Variants in GNAI1 observed in about 807,000 individuals in gnomAD.
GNAI1 encodes the protein guanine nucleotide-binding protein G(i) subunit alpha-1.
Under a neutral mutation model 38.9 loss-of-function variants are expected in GNAI1, and 11 were observed. The observed-to-expected ratio is 0.28, with a 90% CI of 0.18 to 0.47. The LOEUF (loss-of-function observed/expected upper bound fraction) is 0.47. GNAI1 is among the 20% of genes least tolerant of loss of function. The probability of loss-of-function intolerance (pLI) is 0.99; values close to 1 mark genes in which losing one functional copy is unlikely to be tolerated. For synonymous variants in GNAI1, 166 were observed against 145.1 expected, an observed-to-expected ratio of 1.14 and a Z score of -1.04; for missense variants, 317 against 436.9, an observed-to-expected ratio of 0.73 and a Z score of 2.45.
chr7:80,187,168 G>C (rs1471845648), intron 1 of GNAI1: 3 of 151,152 alleles, frequency 2.0e-5, no homozygotes, highest in Non-Finnish European at 4.4e-5. Flanking sequence ...CCTCTTTTCA[G>C]ATGCCTCTGA....
At chr7:80,207,978 C>A (rs1004359809) in intron 5 of GNAI1, among the ~76,000 whole-genome samples, 5 of 151,974 alleles carry the variant, frequency 3.3e-5, no homozygotes, top group African/African-American at 1.2e-4. Context: ...AGATAAATTT[C>A]TATTTCATTT....
At chr7:80,191,643 C>T (rs1198758809) in intron 3 of GNAI1, among the ~76,000 whole-genome samples, 1 of 152,134 alleles carries the variant, frequency 6.6e-6, no homozygotes, top group Non-Finnish European at 1.5e-5. Context: ...CCGCCCACCT[C>T]GGCCTCCCAA....
In GNAI1 at chr7:80,218,619, A is replaced by C. The variant is rs1246837534; in HGVS notation, c.*1126A>C. 1 of 152,226 alleles carries C rather than the reference A, an allele frequency of 6.6e-6. No individual in the cohort carries two copies. Among genetic ancestry groups the C allele is most frequent in the East Asian group, 1.9e-4 (1 of 5,184 alleles). The allele number at this position is 152,226 out of a possible 1,614,324, so 9.4% of individuals were successfully genotyped here. Reference sequence around the variant, plus strand: ...TGCAAGATTTAAATTTATACATATAACTAATTTCAAATGTAATTATCACAC... The same window carrying C: ...TGCAAGATTTAAATTTATACATATACCTAATTTCAAATGTAATTATCACAC... On this transcript the variant is annotated 3_prime_UTR_variant, in exon 8 of 8. Transcript: ENST00000649796.
At chr7:80,217,238 A>AGTTTCTTATGTATGAAACTGAC in intron 7 of GNAI1, 65 bp from the exon 8 acceptor site, 2 of 323,780 alleles carry the variant, frequency 6.2e-6, no homozygotes, top group Non-Finnish European at 4.5e-6. Flanking sequence ...ATGAAACTGA[A>AGTTTCTTATGTATGAAACTGAC]TTCAGTATTT....
In GNAI1 at chr7:80,224,976, ACAACT is replaced by A. The variant is rs1789135147; in HGVS notation, c.*7485_*7489del. Among the ~76,000 whole-genome samples the A allele has an allele frequency of 6.6e-6, 1 of 152,194 alleles. No individual in the cohort carries two copies. On this transcript the variant is annotated 3_prime_UTR_variant, in exon 8 of 8. Coordinates refer to ENST00000649796, the MANE Select transcript of GNAI1 (RefSeq NM_002069.6). ...TGAAATGCTTTATTTTTCTTCCACA[ACAACT>A]CTATTTGCATTGCATGGAAATGTTC... is the stretch of plus-strand genomic sequence containing the variant.
Position 80,221,636 on chromosome 7 carries a change from C to CTTTTTTTTTTTTT in GNAI1, c.*4156_*4168dup, listed in dbSNP as rs71518978. Among the ~76,000 whole-genome samples the CTTTTTTTTTTTTT allele has an allele frequency of 1.1e-5, 1 of 94,354 alleles. No individual in the cohort carries two copies. 61.9% of individuals were successfully genotyped at this position (94,354 alleles called of 152,430 possible). A position where few individuals can be genotyped will look rare whatever the true frequency, so the allele number is the denominator to read the frequency against. On this transcript the variant is annotated 3_prime_UTR_variant, in exon 8 of 8. Transcript: ENST00000649796. ...ATTTTAATGTTAGGTTGGAAATTTT[C>CTTTTTTTTTTTTT]TTTTTTTTTTTTTTTTTTTTTTTTT...
At chr7:80,212,466 C>T (rs989131960) in intron 6 of GNAI1, among the ~76,000 whole-genome samples, 4 of 152,156 alleles carry the variant, frequency 2.6e-5, no homozygotes, top group Admixed American at 2.6e-4. Context: ...GCAGGATATT[C>T]CCTGGCACAG....
rs753831238 is a variant in GNAI1, at chr7:80,221,828, A to AG, written c.*4341dup. 5.9e-5 allele frequency among the ~76,000 whole-genome samples: 9 copies of AG among 151,604 alleles called. No homozygotes were observed. The highest frequency in any genetic ancestry group is 3.9e-4 in the East Asian group (2 of 5,124). ...CAGCTAATTTTTGTATTTTTAGTAA[A>AG]GGGGGGTTTCACCATGTTGGCCAGG... On this transcript the variant is annotated 3_prime_UTR_variant, in exon 8 of 8. Transcript: ENST00000649796.
At chr7:80,187,278 G>T (rs76486260) in intron 1 of GNAI1, 1 of 152,136 alleles carries the variant, frequency 6.6e-6, no homozygotes, top group African/African-American at 2.4e-5. Flanking sequence ...TAAAGGGAGA[G>T]ATGAGGCCCA....
chr7:80,135,712 G>C (rs1350328622), intron 1 of GNAI1: 2 of 770,414 alleles, frequency 2.6e-6, no homozygotes, highest in Non-Finnish European at 3.1e-6. Flanking sequence ...TGTAGGTTGT[G>C]TTTCGACTGT....
chr7:80,135,341 C>T (rs1201874256), intron 1 of GNAI1, 63 bp downstream of exon 1: 6 of 1,023,384 alleles, frequency 5.9e-6, no homozygotes, highest in Non-Finnish European at 6.6e-6. Context: ...CTGCGCGGCC[C>T]TCGGCGTTTG....
In GNAI1 at chr7:80,205,940, T is replaced by C. The variant is rs561680196; in HGVS notation, c.590+2108T>C. ...TTTGCTTCAGCTAACTCTGTTGCTC[T>C]GAAATGGTCGTGATGATAAAGCAGA... On this transcript the variant is annotated intron_variant, in intron 5 of 7. Coordinates refer to ENST00000649796, the MANE Select transcript of GNAI1 (RefSeq NM_002069.6). 2.0e-5 allele frequency among the ~76,000 whole-genome samples: 3 copies of C among 152,204 alleles called. No homozygotes were observed. The East Asian group carries it at 5.8e-4, about 29-fold the overall frequency.
At chr7:80,179,392 T>C (rs1788252188) in intron 1 of GNAI1, among the ~76,000 whole-genome samples, 1 of 152,166 alleles carries the variant, frequency 6.6e-6, no homozygotes. Flanking sequence ...AATCCTCAGG[T>C]CATGCAGATA....
rs1788895763 is a variant in GNAI1, at chr7:80,212,745, T to C, written c.750T>C (p.Phe250=). ...GAATGCATGAAAGCATGAAATTGTT[T>C]GACAGCATATGTAACAACAAGTGGT... ...MNRMHESMKL[F]DSICNNKWFT... Residue 250 remains phenylalanine (F), a synonymous_variant, in exon 7 of 8, where the codon TTT becomes TTC. Coordinates refer to ENST00000649796, the MANE Select transcript of GNAI1 (RefSeq NM_002069.6). 6.5e-7 allele frequency: 1 copy of C among 1,546,476 alleles called. No homozygotes were observed. Among genetic ancestry groups the C allele is most frequent in the Non-Finnish European group, 8.7e-7 (1 of 1,154,112 alleles).
intron 1 of GNAI1, among the ~76,000 whole-genome samples, chr7:80,146,132 G>C (rs1180319545): frequency 6.6e-6 from 1 of 152,070 alleles, no homozygotes; most frequent in African/African-American, 2.4e-5. Context: ...AGGCCCCACT[G>C]CCTTTAGCAG....
intron 1 of GNAI1, among the ~76,000 whole-genome samples, chr7:80,159,218 A>G (rs771467924): frequency 6.6e-6 from 1 of 152,114 alleles, no homozygotes; most frequent in Non-Finnish European, 1.5e-5. Flanking sequence ...GGGGGGGCTT[A>G]CTTGTTTGTT....
chr7:80,186,146 C>T (rs1584035525), intron 1 of GNAI1, among the ~76,000 whole-genome samples: 1 of 150,764 alleles, frequency 6.6e-6, no homozygotes, highest in Admixed American at 6.7e-5. Context: ...AGCTCTTCTG[C>T]CTCAGCCTCC....
chr7:80,205,338 A>G (rs1562842869), intron 5 of GNAI1, among the ~76,000 whole-genome samples: 1 of 151,992 alleles, frequency 6.6e-6, no homozygotes, highest in Non-Finnish European at 1.5e-5. Context: ...TAACCCAACA[A>G]GGTTAAGATT....
At chr7:80,157,129 T>A (rs1172894664) in intron 1 of GNAI1, among the ~76,000 whole-genome samples, 1 of 152,212 alleles carries the variant, frequency 6.6e-6, no homozygotes, top group Non-Finnish European at 1.5e-5. Context: ...CCCTCCTACC[T>A]TATGCTAAGC....
Sources: allele counts gnomAD v4.1 joint callset (sites outside exome capture counted in the v4.1 genomes callset), GRCh38; gene constraint gnomAD v4.1.1; transcripts MANE v1.5; gene names NCBI Gene and HGNC (gene_info 2026-07-23, HGNC 2026-07-21).